The following OPCML variants were observed in gnomAD, a reference collection of about 807,000 sequenced individuals.
The protein encoded by OPCML is opioid binding protein/cell adhesion molecule like, also known as opioid-binding protein/cell adhesion molecule.
Under a neutral mutation model 37.8 loss-of-function variants are expected in OPCML, and 13 were observed. That is an observed-to-expected ratio of 0.34 (90% confidence interval 0.22 to 0.55). The LOEUF is 0.55. Ranked by LOEUF, OPCML falls within the 20% of genes least tolerant of loss-of-function variation. The pLI is 0.91. For synonymous variants in OPCML, 176 were observed against 168.8 expected (o/e 1.04, Z -0.33); for missense variants, 341 against 435.6 (o/e 0.78, Z 1.93).
chr11:132,581,042 T>C (rs1025266901), intron 3 of OPCML, among the ~76,000 whole-genome samples: 5 of 152,164 alleles, frequency 3.3e-5, no homozygotes, highest in African/African-American at 4.8e-5. Flanking sequence ...ACTACACATC[T>C]GGAGCAACAG....
chr11:133,112,083 C>A (rs1318522785), intron 1 of OPCML, among the ~76,000 whole-genome samples: 2 of 151,944 alleles, frequency 1.3e-5, no homozygotes, highest in African/African-American at 4.8e-5. Context: ...ATGCAATATT[C>A]AAATAATGCA....
intron 4 of OPCML, among the ~76,000 whole-genome samples, chr11:132,461,987 TG>T (rs1430013459): frequency 2.6e-5 from 4 of 152,196 alleles, no homozygotes; most frequent in African/African-American, 7.2e-5. Context: ...AGGTGACATT[TG>T]GGTGGGAACA....
At chr11:132,898,846 C>CCA (rs1555204830) in intron 2 of OPCML, among the ~76,000 whole-genome samples, 1 of 151,682 alleles carries the variant, frequency 6.6e-6, no homozygotes, top group Non-Finnish European at 1.5e-5. Flanking sequence ...CTGCCCCCCC[C>CCA]ACCCCCGCAG....
At chr11:133,359,165 T>C (rs551066971) in intron 1 of OPCML, among the ~76,000 whole-genome samples, 46 of 152,340 alleles carry the variant, frequency 3.0e-4, no homozygotes, top group Middle Eastern at 6.8e-3. Flanking sequence ...CCCTATAAAA[T>C]AAACTCCAAA....
chr11:132,958,326 G>T (rs747576697), intron 1 of OPCML, among the ~76,000 whole-genome samples: 18 of 152,226 alleles, frequency 1.2e-4, no homozygotes, highest in Non-Finnish European at 2.5e-4. Context: ...AGCTGCAGAA[G>T]AAATGTTTGA....
chr11:133,111,114 C>T (rs1416044253), intron 1 of OPCML, among the ~76,000 whole-genome samples: 1 of 152,114 alleles, frequency 6.6e-6, no homozygotes, highest in Non-Finnish European at 1.5e-5. Flanking sequence ...TCCTCTAAGC[C>T]AGTTTGTTTT....
chr11:132,924,656 G>A (rs530308698), intron 2 of OPCML, among the ~76,000 whole-genome samples: 2 of 152,024 alleles, frequency 1.3e-5, no homozygotes, highest in Admixed American at 6.6e-5. Flanking sequence ...GTTTTTCCCC[G>A]CTAGTATCTT....
At chr11:132,761,229 C>CTTTTT (rs71067393) in intron 2 of OPCML, among the ~76,000 whole-genome samples, 25 of 122,654 alleles carry the variant, frequency 2.0e-4, no homozygotes, top group East Asian at 4.7e-4. Flanking sequence ...CTGCGCTTAA[C>CTTTTT]TTTTTTTTTT....
At chr11:133,495,677 T>A (rs1181924371) in intron 1 of OPCML, among the ~76,000 whole-genome samples, 1 of 152,254 alleles carries the variant, frequency 6.6e-6, no homozygotes, top group Admixed American at 6.5e-5. Context: ...TTTTTTCATA[T>A]GTCTGTTGGC....
chr11:133,045,389 C>G (rs1302407423), intron 1 of OPCML, among the ~76,000 whole-genome samples: 1 of 152,168 alleles, frequency 6.6e-6, no homozygotes, highest in Admixed American at 6.5e-5. Context: ...AACAAGGGAC[C>G]CACGCACCCC....
chr11:133,179,476 G>A (rs1250099266), intron 1 of OPCML, among the ~76,000 whole-genome samples: 1 of 152,166 alleles, frequency 6.6e-6, no homozygotes, highest in Admixed American at 6.5e-5. Context: ...ACAGGGGAAG[G>A]GTCTGGTTAA....
chr11:132,582,104 T>TTGTGTGTGTG (rs145244488), intron 3 of OPCML, among the ~76,000 whole-genome samples: 3 of 140,410 alleles, frequency 2.1e-5, no homozygotes, highest in Non-Finnish European at 3.1e-5. Context: ...CACACATACT[T>TTGTGTGTGTG]TGTGTGTGTG....
intron 1 of OPCML, among the ~76,000 whole-genome samples, chr11:133,253,825 C>CTTCCA (rs1439695176): frequency 1.5e-5 from 1 of 68,460 alleles, no homozygotes. Context: ...CTTCCCTTCC[C>CTTCCA]TTCCATTCCC....
chr11:132,856,700 G>A (rs1247605442), intron 2 of OPCML, among the ~76,000 whole-genome samples: 2 of 152,168 alleles, frequency 1.3e-5, no homozygotes, highest in African/African-American at 4.8e-5. Context: ...TACCTCCAGT[G>A]AGCATGCATG....
At chr11:133,141,973 C>G (rs1305702408) in intron 1 of OPCML, among the ~76,000 whole-genome samples, 1 of 152,154 alleles carries the variant, frequency 6.6e-6, no homozygotes, top group African/African-American at 2.4e-5. Context: ...AGTTCCTTGG[C>G]TTTTAGGGCA....
intron 1 of OPCML, among the ~76,000 whole-genome samples, chr11:133,170,438 A>G (rs1950273485): frequency 6.6e-6 from 1 of 152,242 alleles, no homozygotes; most frequent in Non-Finnish European, 1.5e-5. Flanking sequence ...GTCAGCCTAG[A>G]TCGTGCCACT....
intron 2 of OPCML, among the ~76,000 whole-genome samples, chr11:132,834,518 T>A (rs1294241472): frequency 6.6e-6 from 1 of 152,220 alleles, no homozygotes; most frequent in African/African-American, 2.4e-5. Flanking sequence ...GGGTCCCTCC[T>A]TGCCTCTTCT....
chr11:132,621,562 T>C (rs1430988980), intron 3 of OPCML, among the ~76,000 whole-genome samples: 8 of 152,276 alleles, frequency 5.3e-5, no homozygotes, highest in Admixed American at 2.0e-4. Context: ...ACCTCCTAGA[T>C]GAATCCATTT....
intron 3 of OPCML, among the ~76,000 whole-genome samples, chr11:132,620,995 A>G (rs1162351757): frequency 6.6e-6 from 1 of 152,234 alleles, no homozygotes; most frequent in Non-Finnish European, 1.5e-5. Flanking sequence ...GAGCAAGCAA[A>G]CAAAGGTTTG....
Sources: allele counts gnomAD v4.1 joint callset (sites outside exome capture counted in the v4.1 genomes callset), GRCh38; gene constraint gnomAD v4.1.1; transcripts MANE v1.5; gene names NCBI Gene and HGNC (gene_info 2026-07-23, HGNC 2026-07-21).